Variants in NAE1 observed in about 807,000 individuals in gnomAD.
The protein encoded by NAE1 is NEDD8 activating enzyme E1 subunit 1.
NAE1 carries 59 observed loss-of-function variants against 88.0 expected under a neutral mutation model. That is an observed-to-expected ratio of 0.67 (90% CI 0.54 to 0.83). NAE1 has a LOEUF of 0.83. Among genes scored for constraint, NAE1 ranks in the 40% least tolerant of loss-of-function variants. The pLI is 0.00. For synonymous variants in NAE1, 186 were observed against 208.9 expected (o/e 0.89, Z 0.95); for missense variants, 554 against 632.8 (o/e 0.88, Z 1.34).
Position 66,808,508 on chromosome 16 carries a change from T to C in NAE1, c.1330+13A>G, listed in dbSNP as rs1259258189. 1.4e-5 allele frequency: 20 copies of C among 1,472,464 alleles called. No individual in the cohort carries two copies. The highest frequency in any genetic ancestry group is 1.7e-5 in the Non-Finnish European group (18 of 1,062,322). 91.2% of individuals were successfully genotyped at this position (1,472,464 alleles called of 1,614,324 possible). On this transcript the variant is annotated intron_variant, in intron 17 of 19. Coordinates refer to ENST00000290810, the MANE Select transcript of NAE1 (RefSeq NM_003905.4). The stretch of plus-strand genomic sequence containing the variant: ...GATCTTATTATATCTGGTAATTCAA[T>C]TGCTATTCTTACCTGGATATCTACC...
chr16:66,817,662 T>C (rs1019062927), intron 8 of NAE1, among the ~76,000 whole-genome samples, 175 bp from the exon 9 acceptor site: 1 of 152,298 alleles, frequency 6.6e-6, no homozygotes, highest in East Asian at 1.9e-4. Flanking sequence ...TAGAGGCAGA[T>C]ACCTAGTATG....
chr16:66,821,391 A>C lies in NAE1; in HGVS notation c.511+59T>G, dbSNP rs117202346. 2.9e-3 allele frequency: 4,190 copies of C among 1,421,412 alleles called. 9 individuals carry two copies. Among genetic ancestry groups the C allele is most frequent in the Non-Finnish European group, 2.9e-3 (3,181 of 1,079,244 alleles). 88.0% of individuals were successfully genotyped at this position (1,421,412 alleles called of 1,614,324 possible). On this transcript the variant is annotated intron_variant, in intron 7 of 19. Coordinates refer to ENST00000290810, the MANE Select transcript of NAE1 (RefSeq NM_003905.4). ...TTAAAACTGACTTTCTAAATTGTCA[A>C]GTTTCTAAAATTATAGCTAAAGCAA...
intron 17 of NAE1, among the ~76,000 whole-genome samples, chr16:66,806,691 G>A (rs896395613): frequency 6.6e-6 from 1 of 152,158 alleles, no homozygotes; most frequent in Non-Finnish European, 1.5e-5. Flanking sequence ...GGGATTACAG[G>A]TGTGAGCCAC....
chr16:66,817,005 C>A lies in NAE1; in HGVS notation c.708G>T (p.Thr236=), dbSNP rs140937229. 6.3e-7 allele frequency: 1 copy of A among 1,597,948 alleles called. No individual in the cohort carries two copies. Among genetic ancestry groups the A allele is most frequent in the Admixed American group, 1.8e-5 (1 of 55,960 alleles). The change falls in exon 10 of 20, where the codon ACG becomes ACT. Residue 236 remains threonine (T), a synonymous_variant. Transcript: ENST00000290810. ...CTCTGAAGTCCTCTTTTTCTTTATA[C>A]GTTTTAGGTATTCGTCCATTTGTCT... is the stretch of plus-strand genomic sequence containing the variant. ...YSETNGRIPK[T]YKEKEDFRDL...
chr16:66,803,525 G>T (rs1321786657), intron 19 of NAE1, among the ~76,000 whole-genome samples: 1 of 151,610 alleles, frequency 6.6e-6, no homozygotes, highest in Non-Finnish European at 1.5e-5. Flanking sequence ...AAACTACTAA[G>T]AAAAAAACTT....
At chr16:66,808,645 G>A (rs753332794) in intron 16 of NAE1, 32 bp from the exon 17 acceptor site, 2 of 1,470,096 alleles carry the variant, frequency 1.4e-6, no homozygotes, top group Non-Finnish European at 1.9e-6. Flanking sequence ...GTTTAATTTG[G>A]TTAATTTGCA....
intron 3 of NAE1, among the ~76,000 whole-genome samples, chr16:66,825,888 T>C (rs1272513606): frequency 6.6e-6 from 1 of 152,104 alleles, no homozygotes; most frequent in Non-Finnish European, 1.5e-5. Flanking sequence ...TTGGTATATA[T>C]CAATAAAAAA....
At chr16:66,811,787 CTTCT>C (rs1421474724) in intron 13 of NAE1, among the ~76,000 whole-genome samples, 1 of 152,200 alleles carries the variant, frequency 6.6e-6, no homozygotes, top group Non-Finnish European at 1.5e-5. Context: ...TAAGGTCATA[CTTCT>C]TTCTATCCTC....
chr16:66,808,544 T>C lies in NAE1; in HGVS notation c.1307A>G (p.His436Arg). ...ACCTGGATATCTACCCTGTTGTTTA[T>C]GAAATCTATCAACAGCCCGTAACAT... ...YLMLRAVDRF[H>R]KQQGRYPGVS... The change falls in exon 17 of 20, where the codon CAT becomes CGT. Residue 436 changes from histidine (H) to arginine (R), a missense_variant. By Grantham distance (29) the His-to-Arg change is conservative. Transcript: ENST00000290810. 2 of 1,596,370 alleles carry C rather than the reference T, an allele frequency of 1.3e-6. No individual in the cohort carries two copies. Among genetic ancestry groups the C allele is most frequent in the Non-Finnish European group, 1.7e-6 (2 of 1,166,102 alleles).
intron 1 of NAE1, among the ~76,000 whole-genome samples, chr16:66,828,974 G>C (rs914596464): frequency 2.0e-5 from 3 of 147,924 alleles, no homozygotes; most frequent in Non-Finnish European, 3.0e-5. Flanking sequence ...GGGTCACAAA[G>C]TGAGACCTTG....
intron 13 of NAE1, among the ~76,000 whole-genome samples, chr16:66,812,264 T>G (rs546418758): frequency 6.6e-6 from 1 of 152,180 alleles, no homozygotes; most frequent in Admixed American, 6.5e-5. Context: ...AGTAACCTTT[T>G]CAATACCTTA....
At chr16:66,812,013 C>CCCA (rs1323872855) in intron 13 of NAE1, among the ~76,000 whole-genome samples, 37 of 152,172 alleles carry the variant, frequency 2.4e-4, no homozygotes. Context: ...TTCATTGAGA[C>CCCA]CCATCCCTGT....
intron 19 of NAE1, 65 bp downstream of exon 19, chr16:66,805,712 C>T (rs1959536905): frequency 1.6e-6 from 2 of 1,271,748 alleles, no homozygotes; most frequent in Non-Finnish European, 2.0e-6. Context: ...GACGACAAAA[C>T]TTTGTATTAA....
rs1960054561 is a variant in NAE1, at chr16:66,816,648, GC to G, written c.772del (p.Ala258LeufsTer15). ...RQGILKNENG[A>X]PEDEENFEEA... Reference sequence around the variant, plus strand: ...TTCAAAATTCTCTTCATCTTCTGGAGCCCCATTTTCATTTTTTAGAATTCCT... The same window carrying G: ...TTCAAAATTCTCTTCATCTTCTGGAGCCCATTTTCATTTTTTAGAATTCCT... On this transcript the variant is annotated frameshift_variant, in exon 11 of 20. Coordinates refer to ENST00000290810, the MANE Select transcript of NAE1 (RefSeq NM_003905.4). LOFTEE classifies it high-confidence loss of function. 1.9e-6 allele frequency: 3 copies of G among 1,611,488 alleles called. No homozygotes were observed. Among genetic ancestry groups the G allele is most frequent in the Non-Finnish European group, 2.5e-6 (3 of 1,178,506 alleles).
intron 13 of NAE1, among the ~76,000 whole-genome samples, chr16:66,812,157 T>G (rs1398275675): frequency 1.3e-5 from 2 of 152,208 alleles, no homozygotes; most frequent in Non-Finnish European, 2.9e-5. Context: ...AAATACAAGG[T>G]AGTATAGGGC....
intron 1 of NAE1, chr16:66,828,215 G>C (rs1347507294): frequency 1.1e-5 from 7 of 649,320 alleles, no homozygotes; most frequent in African/African-American, 3.6e-5. Flanking sequence ...TCTTGGCTGG[G>C]CGCAGTGGCT....
At chr16:66,818,454 TG>T in intron 8 of NAE1, 73 bp downstream of exon 8, 1 of 1,100,026 alleles carries the variant, frequency 9.1e-7, no homozygotes, top group Non-Finnish European at 1.3e-6. Context: ...CTCACTTTAG[TG>T]TAATTCAAAA....
intron 8 of NAE1, among the ~76,000 whole-genome samples, chr16:66,817,864 G>A (rs992392124): frequency 1.1e-4 from 16 of 152,060 alleles, no homozygotes; most frequent in South Asian, 2.1e-4. Context: ...ATACATATAC[G>A]CCTTATAGTG....
At chr16:66,829,371 T>C (rs767973921) in intron 1 of NAE1, among the ~76,000 whole-genome samples, 69 of 152,292 alleles carry the variant, frequency 4.5e-4, no homozygotes, top group Admixed American at 1.1e-3. Context: ...TCCGAAAAGC[T>C]TGGAAGCAGG....
Sources: allele counts gnomAD v4.1 joint callset (sites outside exome capture counted in the v4.1 genomes callset), GRCh38; gene constraint gnomAD v4.1.1; transcripts MANE v1.5; gene names NCBI Gene and HGNC (gene_info 2026-07-23, HGNC 2026-07-21).